The following KCNU1 variants were observed in gnomAD, a reference collection of about 807,000 sequenced individuals.
KCNU1 encodes potassium calcium-activated channel subfamily U member 1, also known as potassium channel subfamily U member 1.
A neutral mutation model predicts 126.8 loss-of-function variants in KCNU1; 93 were observed. The ratio of observed to expected loss-of-function variants is 0.73; its 90% CI spans 0.62 to 0.87. KCNU1 has a LOEUF of 0.87. Among genes scored for constraint, KCNU1 ranks in the 40% least tolerant of loss-of-function variants. The pLI, the probability that KCNU1 is intolerant of heterozygous loss-of-function variation, is 0.00. For missense variants in KCNU1, 1,330 were observed against 1,367.1 expected, an observed-to-expected ratio of 0.97 and a Z score of 0.43; for synonymous variants, 523 against 494.2, an observed-to-expected ratio of 1.06 and a Z score of -0.77.
At chr8:36,787,832 T>G (rs1447236551) in intron 2 of KCNU1, among the ~76,000 whole-genome samples, 1 of 144,664 alleles carries the variant, frequency 6.9e-6, no homozygotes, top group African/African-American at 2.6e-5. Context: ...TAATTATATA[T>G]TTATAAATAG....
At chr8:36,798,618 T>A (rs1045940654) in intron 2 of KCNU1, among the ~76,000 whole-genome samples, 8 of 152,214 alleles carry the variant, frequency 5.3e-5, no homozygotes, top group Admixed American at 3.3e-4. Context: ...AACCTTGGTC[T>A]CCACAGTCTT....
intron 2 of KCNU1, among the ~76,000 whole-genome samples, chr8:36,788,539 T>C (rs1004969472): frequency 2.0e-5 from 3 of 152,220 alleles, no homozygotes; most frequent in Non-Finnish European, 4.4e-5. Context: ...ATCCTCTGTT[T>C]TTTATAACTA....
intron 18 of KCNU1, among the ~76,000 whole-genome samples, chr8:36,853,077 C>T (rs553770769): frequency 1.8e-4 from 28 of 152,216 alleles, no homozygotes; most frequent in Admixed American, 1.4e-3. Flanking sequence ...CTGCCAGGTG[C>T]GGTGGCTCAC....
At chr8:36,925,909 C>A (rs2117600018) in intron 24 of KCNU1, among the ~76,000 whole-genome samples, 1 of 152,246 alleles carries the variant, frequency 6.6e-6, no homozygotes, top group Middle Eastern at 3.4e-3. Context: ...CTTAGAAAGG[C>A]AGTTGTGGGT....
chr8:36,822,308 G>A (rs184546556), intron 10 of KCNU1, among the ~76,000 whole-genome samples: 197 of 152,174 alleles, frequency 1.3e-3, no homozygotes, highest in African/African-American at 4.5e-3. Flanking sequence ...CCCACTGCCA[G>A]TCTTTCCAGC....
At chr8:36,911,407 G>A (rs957149075) in intron 22 of KCNU1, among the ~76,000 whole-genome samples, 1 of 151,996 alleles carries the variant, frequency 6.6e-6, no homozygotes, top group East Asian at 1.9e-4. Context: ...TATCATTTTT[G>A]TTGTTATGAT....
chr8:36,919,074 A>G (rs528695571), intron 23 of KCNU1, among the ~76,000 whole-genome samples, 177 bp downstream of exon 23: 38 of 152,268 alleles, frequency 2.5e-4, no homozygotes, highest in African/African-American at 8.9e-4. Context: ...GGACATCGGT[A>G]TATCTGGTGT....
At chr8:36,796,723 A>C (rs1297596874) in intron 2 of KCNU1, among the ~76,000 whole-genome samples, 1 of 152,160 alleles carries the variant, frequency 6.6e-6, no homozygotes, top group Non-Finnish European at 1.5e-5. Context: ...CTGGACTAGG[A>C]TATCTTTGCC....
At chr8:36,930,858 C>T (rs1585581746) in intron 24 of KCNU1, 93 bp from the exon 25 acceptor site, 3 of 773,180 alleles carry the variant, frequency 3.9e-6, no homozygotes, top group East Asian at 2.8e-5. Flanking sequence ...CCATGTTAAA[C>T]AGCAATGCCC....
At chr8:36,897,108 G>A (rs1807221613) in intron 19 of KCNU1, among the ~76,000 whole-genome samples, 1 of 151,994 alleles carries the variant, frequency 6.6e-6, no homozygotes, top group South Asian at 2.1e-4. Context: ...TCACTTATCA[G>A]CATGCACAGT....
chr8:36,905,712 CT>C lies in KCNU1; in HGVS notation c.2016del (p.Gln673AsnfsTer4). ...CTCTCCATTCTTCCTATTTAGGACT[CT>C]TCAACATGATGTAGAACAAGATTCT... The part of the protein sequence containing the change: ...SSISNFTTRT[L>X]QHDVEQDSDQ... On this transcript the variant is annotated frameshift_variant, in exon 20 of 27. Transcript: ENST00000399881. LOFTEE classifies it high-confidence loss of function. 6.4e-7 allele frequency: 1 copy of C among 1,571,200 alleles called. No homozygotes were observed.
chr8:36,787,688 TATG>T (rs200835506), intron 2 of KCNU1, among the ~76,000 whole-genome samples: 12,403 of 147,872 alleles, frequency 0.084, 1,691 homozygotes, highest in African/African-American at 0.29. Context: ...ATATAAATCA[TATG>T]ATATGTTGTT....
chr8:36,853,911 G>T (rs1805440384), intron 18 of KCNU1, among the ~76,000 whole-genome samples: 1 of 152,158 alleles, frequency 6.6e-6, no homozygotes, highest in Non-Finnish European at 1.5e-5. Flanking sequence ...TTTGTCATAT[G>T]TGAACAAGAT....
chr8:36,792,939 TAAC>T (rs761520313), intron 2 of KCNU1, among the ~76,000 whole-genome samples: 59 of 152,128 alleles, frequency 3.9e-4, no homozygotes, highest in Non-Finnish European at 6.8e-4. Flanking sequence ...TGTCTCATTC[TAAC>T]AATAAGTGAT....
intron 10 of KCNU1, among the ~76,000 whole-genome samples, chr8:36,824,998 T>C: frequency 6.6e-6 from 1 of 152,130 alleles, no homozygotes; most frequent in Non-Finnish European, 1.5e-5. Context: ...GGTAATAAAG[T>C]TTAAATATTT....
At chr8:36,912,399 G>T (rs1807911524) in intron 22 of KCNU1, among the ~76,000 whole-genome samples, 1 of 152,316 alleles carries the variant, frequency 6.6e-6, no homozygotes, top group South Asian at 2.1e-4. Context: ...CTGACCCAGA[G>T]ACTAGGGTTT....
intron 16 of KCNU1, 34 bp downstream of exon 16, chr8:36,841,037 T>TG (rs917700116): frequency 1.8e-5 from 18 of 979,196 alleles, no homozygotes; most frequent in Non-Finnish European, 2.6e-5. Context: ...TTCAGTTGTT[T>TG]TTTTTTTTTT....
At chr8:36,834,938 A>G in intron 12 of KCNU1, 70 bp downstream of exon 12, 1 of 966,660 alleles carries the variant, frequency 1.0e-6, no homozygotes, top group Non-Finnish European at 1.6e-6. Context: ...TGCCCGGTAC[A>G]TAAGCATAAA....
At chr8:36,891,549 A>G (rs1333892792) in intron 19 of KCNU1, among the ~76,000 whole-genome samples, 2 of 151,630 alleles carry the variant, frequency 1.3e-5, no homozygotes, top group Non-Finnish European at 2.9e-5. Flanking sequence ...TTTTACTGAC[A>G]CTCTGTTTCT....
Sources: allele counts gnomAD v4.1 joint callset (sites outside exome capture counted in the v4.1 genomes callset), GRCh38; gene constraint gnomAD v4.1.1; transcripts MANE v1.5; gene names NCBI Gene and HGNC (gene_info 2026-07-23, HGNC 2026-07-21).